PAX6: variants seen among roughly 807,000 people sequenced by gnomAD.
PAX6 encodes the protein paired box protein Pax-6.
PAX6 carries 7 observed loss-of-function variants against 60.7 expected under a neutral mutation model. The ratio of observed to expected loss-of-function variants is 0.12; its 90% CI spans 0.07 to 0.22. The LOEUF is 0.22. PAX6 is among the 10% of genes least tolerant of loss of function. The pLI is 1.00. For missense variants in PAX6, 355 were observed against 555.2 expected (o/e 0.64, Z 3.62); for synonymous variants, 208 against 201.2 (o/e 1.03, Z -0.29).
At position 31,793,271 on chromosome 11, in the gene PAX6, C is replaced by T. The variant is rs775752977; in HGVS notation, c.1074+167G>A. On this transcript the variant is annotated intron_variant, in intron 12 of 13. Coordinates refer to ENST00000640368, the MANE Select transcript of PAX6 (RefSeq NM_001368894.2). The stretch of plus-strand genomic sequence containing the variant: ...AGGGCATGAATTAATGAGTCAATCA[C>T]TTAAAAGTGATGGGATTGACTGTCT... 161 of 714,280 alleles carry T rather than the reference C, an allele frequency of 2.3e-4. No homozygotes were observed. In the East Asian group the frequency reaches 4.2e-3, roughly 19 times the overall value. 44.2% of individuals were successfully genotyped at this position (714,280 alleles called of 1,614,324 possible).
At chr11:31,799,983 C>A (rs1953086456) in intron 8 of PAX6, among the ~76,000 whole-genome samples, 1 of 138,558 alleles carries the variant, frequency 7.2e-6, no homozygotes, top group Non-Finnish European at 1.6e-5. Flanking sequence ...TCTTCTTCCT[C>A]CAGCCCTTCT....
chr11:31,793,920 T>G, intron 10 of PAX6, 112 bp downstream of exon 10: 3 of 1,331,996 alleles, frequency 2.3e-6, no homozygotes, highest in Non-Finnish European at 3.2e-6. Context: ...AGACTGAACC[T>G]TTTTATTATA....
chr11:31,814,185 G>C (rs1269698010), upstream of PAX6: 7 of 152,148 alleles, frequency 4.6e-5, no homozygotes, highest in African/African-American at 1.7e-4. Flanking sequence ...CGGCGGGTGC[G>C]TTCCCGCGGG....
chr11:31,794,918 C>A, intron 8 of PAX6, 130 bp from the exon 9 acceptor site: 1 of 814,096 alleles, frequency 1.2e-6, no homozygotes, highest in Non-Finnish European at 2.0e-6. Context: ...CCCAAGGTAA[C>A]TGTCAGCCTT....
In PAX6 at chr11:31,789,908, T is replaced by G; in HGVS notation, c.*26A>C. 6.6e-7 allele frequency: 1 copy of G among 1,515,668 alleles called. No individual in the cohort carries two copies. Among genetic ancestry groups the G allele is most frequent in the Non-Finnish European group, 9.0e-7 (1 of 1,109,946 alleles). The allele number at this position is 1,515,668 out of a possible 1,614,324, so 93.9% of individuals were successfully genotyped here. ...CTGACTGAATTAACACAATATTTCC[T>G]TTCCTTTTTTTTTTTTTTTTTTTTT... On this transcript the variant is annotated 3_prime_UTR_variant, in exon 14 of 14. Transcript: ENST00000640368.
chr11:31,803,095 T>C, intron 4 of PAX6: 1 of 440,756 alleles, frequency 2.3e-6, no homozygotes, highest in Non-Finnish European at 3.9e-6. Context: ...ATGCCAGACA[T>C]CGGGCAGCCC....
chr11:31,802,301 A>G, intron 5 of PAX6: 1 of 313,962 alleles, frequency 3.2e-6, no homozygotes, highest in Non-Finnish European at 5.8e-6. Flanking sequence ...CATGAAGAAT[A>G]AACAAATACC....
chr11:31,794,714 C>T lies in PAX6; in HGVS notation c.640G>A (p.Ala214Thr). 2 of 1,614,130 alleles carry T rather than the reference C, an allele frequency of 1.2e-6. No individual in the cohort carries two copies. Among genetic ancestry groups the T allele is most frequent in the Non-Finnish European group, 1.7e-6 (2 of 1,179,996 alleles). ...CGCTTCAGCTGAAGTCGCATTTGAGCCTCATCTGAATCTTCTCCGTTGGAA... is the reference window on the plus strand; with the variant it reads ...CGCTTCAGCTGAAGTCGCATTTGAGTCTCATCTGAATCTTCTCCGTTGGAA... ...ISSNGEDSDE[A>T]QMRLQLKRKL... Residue 214 changes from alanine to threonine, a missense_variant, in exon 9 of 14, where the codon GCT (alanine) becomes ACT (threonine). Ala to Thr is a moderately conservative substitution (Grantham distance 58, BLOSUM62 0). Around this residue, in one of 5 missense-constraint regions of PAX6, gnomAD observed 143 missense variants for 183.6 expected, o/e 0.78. Coordinates refer to ENST00000640368, the MANE Select transcript of PAX6 (RefSeq NM_001368894.2).
intron 4 of PAX6, chr11:31,803,980 C>G (rs950094147): frequency 2.6e-5 from 4 of 152,258 alleles, no homozygotes; most frequent in Admixed American, 2.6e-4. Context: ...TAGCAGCCCT[C>G]CCAGGAAAAG....
At chr11:31,794,826 ATT>A in intron 8 of PAX6, 38 bp from the exon 9 acceptor site, 3 of 1,609,004 alleles carry the variant, frequency 1.9e-6, no homozygotes, top group Non-Finnish European at 2.6e-6. Context: ...AGAAATTTGG[ATT>A]AACTTGGAGC....
At chr11:31,794,553 C>A in intron 9 of PAX6, 77 bp downstream of exon 9, 2 of 1,472,808 alleles carry the variant, frequency 1.4e-6, no homozygotes, top group Admixed American at 1.7e-5. Flanking sequence ...AGGGCCCTGG[C>A]TAAATTTAGC....
intron 2 of PAX6, 69 bp from the exon 3 acceptor site, chr11:31,806,994 C>T (rs963130906): frequency 6.6e-6 from 1 of 152,436 alleles, no homozygotes; most frequent in Non-Finnish European, 1.5e-5. Context: ...CATGGGCTCT[C>T]TGAGCCTCAC....
intron 8 of PAX6, among the ~76,000 whole-genome samples, chr11:31,800,378 T>C (rs1350831763): frequency 2.0e-5 from 3 of 152,182 alleles, no homozygotes; most frequent in Non-Finnish European, 4.4e-5. Flanking sequence ...TGCATTCTAA[T>C]GTCAAATTTG....
intron 8 of PAX6, among the ~76,000 whole-genome samples, chr11:31,800,176 T>C (rs1414677187): frequency 6.6e-6 from 1 of 151,998 alleles, no homozygotes; most frequent in East Asian, 1.9e-4. Flanking sequence ...GGGGTGGTTT[T>C]AGTTGGGAGA....
chr11:31,794,851 C>A (rs111826286), intron 8 of PAX6, 63 bp from the exon 9 acceptor site: 30 of 1,503,634 alleles, frequency 2.0e-5, no homozygotes, highest in South Asian at 1.0e-4. Flanking sequence ...CCAAAAGGGG[C>A]CTGGTGTAGT....
chr11:31,806,325 G>T, intron 4 of PAX6, 77 bp downstream of exon 4: 2 of 1,529,370 alleles, frequency 1.3e-6, no homozygotes, highest in African/African-American at 1.4e-5. Context: ...CGGGCGTCGC[G>T]AGTCCCTGTG....
chr11:31,800,226 C>T (rs193052451), intron 8 of PAX6, among the ~76,000 whole-genome samples: 25 of 152,284 alleles, frequency 1.6e-4, no homozygotes, highest in African/African-American at 5.8e-4. Context: ...CGCCCTGCAT[C>T]TCCCTGCTCA....
intron 1 of PAX6, among the ~76,000 whole-genome samples, chr11:31,817,502 C>T (rs1017455193): frequency 6.6e-6 from 1 of 152,270 alleles, no homozygotes; most frequent in African/African-American, 2.4e-5. Context: ...GTGGCTTTAG[C>T]AGACAGCAGC....
intron 4 of PAX6, chr11:31,803,072 A>G: frequency 1.8e-6 from 1 of 562,006 alleles, no homozygotes. Flanking sequence ...AAAGGACAAC[A>G]GGACCACCAG....
Sources: allele counts gnomAD v4.1 joint callset (sites outside exome capture counted in the v4.1 genomes callset), GRCh38; gene constraint gnomAD v4.1.1; regional missense constraint gnomAD v4.1.1; transcripts MANE v1.5; gene names NCBI Gene and HGNC (gene_info 2026-07-23, HGNC 2026-07-21).